ABCC2: variants seen among roughly 807,000 people sequenced by gnomAD.
ABCC2 encodes ATP-binding cassette sub-family C member 2.
Under a neutral mutation model 173.4 loss-of-function variants are expected in ABCC2, and 157 were observed. That is an observed-to-expected ratio of 0.91 (90% CI 0.80 to 1.03). The LOEUF is 1.03. ABCC2 is among the 50% of genes least tolerant of loss of function. The pLI, the probability that ABCC2 is intolerant of heterozygous loss-of-function variation, is 0.00. For synonymous variants in ABCC2, 657 were observed against 693.5 expected (o/e 0.95, Z 0.83); for missense variants, 1,822 against 1,852.3 (o/e 0.98, Z 0.30).
chr10:99,816,101 G>T (rs1388553603), intron 16 of ABCC2, among the ~76,000 whole-genome samples: 2 of 150,802 alleles, frequency 1.3e-5, no homozygotes, highest in African/African-American at 4.9e-5. Context: ...CCAAGTAGCT[G>T]GGATTACAGG....
rs57122229 is a variant in ABCC2, at chr10:99,830,536, C to T, written c.2747+103C>T. 1,296 of 1,571,048 alleles carry T rather than the reference C, an allele frequency of 8.2e-4. 8 individuals carry two copies. The African/African-American group carries it at 9.2e-3, about 11-fold the overall frequency. Reference sequence around the variant, plus strand: ...TTCCTGTGAGGGTTAACACCATGGACACTCCAAGCTCTTCCTTTGTTTCTT... The same window carrying T: ...TTCCTGTGAGGGTTAACACCATGGATACTCCAAGCTCTTCCTTTGTTTCTT... On this transcript the variant is annotated intron_variant, in intron 20 of 31. Transcript: ENST00000647814.
In ABCC2 at chr10:99,794,516, C is replaced by G. The variant is rs1384889215; in HGVS notation, c.632+48C>G. The G allele has an allele frequency of 2.0e-6, 3 of 1,513,258 alleles. No individual in the cohort carries two copies. The Admixed American group carries it at 5.1e-5, about 26-fold the overall frequency. The allele number at this position is 1,513,258 out of a possible 1,614,324, so 93.7% of individuals were successfully genotyped here. A position where few individuals can be genotyped will look rare whatever the true frequency, so the allele number is the denominator to read the frequency against. ...TTGGCTGTATCCTTACTCTCTCACT[C>G]CTCTGAAAGTGTCAGAAAGATTTTT... On this transcript the variant is annotated intron_variant, in intron 6 of 31. Transcript: ENST00000647814.
chr10:99,789,406 CTCATGTTAT>C (rs2037773583), intron 2 of ABCC2: 1 of 152,128 alleles, frequency 6.6e-6, no homozygotes, highest in Admixed American at 6.6e-5. Context: ...TGGACTCACA[CTCATGTTAT>C]TGAAAAGGAG....
At chr10:99,800,635 G>A (rs888551733) in intron 9 of ABCC2, 72 bp downstream of exon 9, 10 of 1,541,748 alleles carry the variant, frequency 6.5e-6, no homozygotes, top group Non-Finnish European at 8.9e-6. Flanking sequence ...CCAAGGTTGA[G>A]GAAAATGTGA....
intron 15 of ABCC2, 120 bp downstream of exon 15, chr10:99,811,722 A>G: frequency 8.7e-7 from 1 of 1,154,952 alleles, no homozygotes; most frequent in Non-Finnish European, 1.3e-6. Flanking sequence ...CTTCGGTTAG[A>G]TACTAGTGCA....
At chr10:99,834,253 G>T (rs1217260842) in intron 23 of ABCC2, 127 bp from the exon 24 acceptor site, 2 of 969,620 alleles carry the variant, frequency 2.1e-6, no homozygotes, top group Non-Finnish European at 3.2e-6. Flanking sequence ...TGAACACAAT[G>T]AAATGATTAC....
At chr10:99,799,405 C>T in intron 8 of ABCC2, 35 bp downstream of exon 8, 3 of 1,612,050 alleles carry the variant, frequency 1.9e-6, no homozygotes, top group Non-Finnish European at 1.7e-6. Flanking sequence ...CCTTTCAGGG[C>T]CTCCTCTGCC....
intron 26 of ABCC2, 34 bp downstream of exon 26, chr10:99,842,127 G>A: frequency 6.2e-7 from 1 of 1,613,704 alleles, no homozygotes. Context: ...GGTTTCGTTA[G>A]TGTGCTTATT....
chr10:99,810,247 A>G, intron 14 of ABCC2, 29 bp downstream of exon 14: 1 of 1,587,262 alleles, frequency 6.3e-7, no homozygotes, highest in Non-Finnish European at 8.6e-7. Flanking sequence ...TGCTTCCCAA[A>G]CTTATTCGCA....
At chr10:99,801,970 G>A (rs1348719862) in intron 9 of ABCC2, among the ~76,000 whole-genome samples, 1 of 152,142 alleles carries the variant, frequency 6.6e-6, no homozygotes, top group East Asian at 1.9e-4. Flanking sequence ...CCTTCCTCCA[G>A]TTGATTTTTA....
chr10:99,807,353 A>C, intron 11 of ABCC2, 31 bp from the exon 12 acceptor site: 1 of 1,614,044 alleles, frequency 6.2e-7, no homozygotes, highest in Non-Finnish European at 8.5e-7. Context: ...AGGGGCAATC[A>C]TGTGAGCTGT....
chr10:99,821,025 CAGGGTCACAAGACAATTGTGGGGAG>C (rs1220092187), intron 19 of ABCC2, among the ~76,000 whole-genome samples: 15 of 152,292 alleles, frequency 9.8e-5, no homozygotes, highest in African/African-American at 2.2e-4. Context: ...GGGGATGTGT[CAGGGTCACAAGACAATTGTGGGGAG>C]AGGGTCACAA....
chr10:99,834,461 G>A lies in ABCC2; in HGVS notation c.3340G>A (p.Val1114Ile), dbSNP rs778116144. The change falls in exon 24 of 32, where the codon GTC (valine) becomes ATC (isoleucine). Residue 1114 changes from valine to isoleucine, a missense_variant. Val to Ile is a conservative substitution (Grantham distance 29). Coordinates refer to ENST00000647814, the MANE Select transcript of ABCC2 (RefSeq NM_000392.5). ...CTTCCTGGGGATAATCAGCACCCTT[G>A]TCATGATCTGCATGGCCACTCCTGT... is the stretch of plus-strand genomic sequence containing the variant. ...TCFLGIISTL[V>I]MICMATPVFT... 2 of 1,614,042 alleles carry A rather than the reference G, an allele frequency of 1.2e-6. No homozygotes were observed. Among genetic ancestry groups the A allele is most frequent in the Admixed American group, 3.3e-5 (2 of 60,000 alleles).
chr10:99,816,069 A>G (rs2038403679), intron 16 of ABCC2, among the ~76,000 whole-genome samples: 1 of 151,490 alleles, frequency 6.6e-6, no homozygotes, highest in South Asian at 2.1e-4. Flanking sequence ...CCTGGGTTCA[A>G]GCAATTCTCT....
intron 21 of ABCC2, 104 bp downstream of exon 21, chr10:99,830,955 G>A: frequency 7.9e-7 from 1 of 1,273,446 alleles, no homozygotes; most frequent in South Asian, 1.2e-5. Context: ...GGAGCAATAT[G>A]TCCTCTGTCC....
At chr10:99,805,210 G>A (rs560804775) in intron 10 of ABCC2, among the ~76,000 whole-genome samples, 172 bp from the exon 11 acceptor site, 3 of 152,300 alleles carry the variant, frequency 2.0e-5, no homozygotes, top group East Asian at 1.9e-4. Context: ...GGGTGCGGCA[G>A]GAGCAGAGTG....
At chr10:99,850,910 T>C (rs933812073) in intron 31 of ABCC2, 114 bp downstream of exon 31, 43 of 1,269,810 alleles carry the variant, frequency 3.4e-5, no homozygotes, top group Middle Eastern at 2.1e-4. Context: ...ACATTACTGA[T>C]GAAGAAACTG....
chr10:99,799,120 C>T (rs968278612), intron 7 of ABCC2, 87 bp from the exon 8 acceptor site: 14 of 1,484,038 alleles, frequency 9.4e-6, no homozygotes, highest in East Asian at 9.0e-5. Context: ...GAGAAGGCCA[C>T]GGGGCTCACA....
At chr10:99,811,730 G>A (rs1238169014) in intron 15 of ABCC2, 128 bp downstream of exon 15, 14 of 1,094,936 alleles carry the variant, frequency 1.3e-5, no homozygotes, top group Non-Finnish European at 1.2e-5. Context: ...AGATACTAGT[G>A]CAGGATAAAC....
Sources: allele counts gnomAD v4.1 joint callset (sites outside exome capture counted in the v4.1 genomes callset), GRCh38; gene constraint gnomAD v4.1.1; transcripts MANE v1.5; gene names NCBI Gene and HGNC (gene_info 2026-07-23, HGNC 2026-07-21).